Variants in CLSTN2 observed in about 807,000 individuals in gnomAD.
CLSTN2 encodes the protein calsyntenin 2.
In CLSTN2, 48 loss-of-function variants were observed where a neutral mutation model predicts 101.2. That is an observed-to-expected ratio of 0.47 (90% CI 0.38 to 0.60). The LOEUF is 0.60. Ranked by LOEUF, CLSTN2 falls within the 20% of genes least tolerant of loss-of-function variation. The pLI is 0.00. For missense variants in CLSTN2, 1,160 were observed against 1,238.2 expected, an observed-to-expected ratio of 0.94 and a Z score of 0.95; for synonymous variants, 481 against 463.6, an observed-to-expected ratio of 1.04 and a Z score of -0.48.
intron 1 of CLSTN2, among the ~76,000 whole-genome samples, chr3:140,055,336 C>T (rs906759241): frequency 2.6e-5 from 4 of 152,248 alleles, no homozygotes; most frequent in African/African-American, 9.6e-5. Flanking sequence ...ACACAGCAAA[C>T]ACCTTATGTT....
At chr3:140,333,113 G>T (rs1431114308) in intron 2 of CLSTN2, among the ~76,000 whole-genome samples, 1 of 152,160 alleles carries the variant, frequency 6.6e-6, no homozygotes, top group Non-Finnish European at 1.5e-5. Context: ...ACCGAATGTT[G>T]GATTGCTCCT....
chr3:140,224,974 G>A (rs2086305649), intron 2 of CLSTN2, among the ~76,000 whole-genome samples: 2 of 152,336 alleles, frequency 1.3e-5, no homozygotes, highest in South Asian at 4.1e-4. Flanking sequence ...CCATAGAAAA[G>A]GGCTTTCCCT....
intron 1 of CLSTN2, among the ~76,000 whole-genome samples, chr3:140,085,570 T>C (rs759488453): frequency 2.0e-5 from 3 of 152,136 alleles, no homozygotes; most frequent in Non-Finnish European, 4.4e-5. Flanking sequence ...CAATTTACTA[T>C]GGCTAGAGAG....
chr3:140,374,861 C>T lies in CLSTN2; in HGVS notation c.233-28768C>T, dbSNP rs115211563. Among the ~76,000 whole-genome samples the T allele has an allele frequency of 2.5e-3, 385 of 152,244 alleles. 2 individuals carry two copies. The highest frequency in any genetic ancestry group is 8.7e-3 in the African/African-American group (362 of 41,552). ...GTTATCAGCAGACCCTTTTTAGCAC[C>T]GTGGTAAGGTTTGAGAGAAGGAAGT... is the stretch of plus-strand genomic sequence containing the variant. On this transcript the variant is annotated intron_variant, in intron 2 of 16. Coordinates refer to ENST00000458420, the MANE Select transcript of CLSTN2 (RefSeq NM_022131.3).
chr3:140,496,701 G>C (rs1473086475), intron 8 of CLSTN2, among the ~76,000 whole-genome samples: 1 of 152,072 alleles, frequency 6.6e-6, no homozygotes, highest in Non-Finnish European at 1.5e-5. Flanking sequence ...AAAGGCGCAG[G>C]GTGGGTACTG....
intron 1 of CLSTN2, among the ~76,000 whole-genome samples, chr3:140,031,238 G>A (rs994480135): frequency 6.6e-6 from 1 of 152,192 alleles, no homozygotes; most frequent in Non-Finnish European, 1.5e-5. Context: ...GCAGAATGTG[G>A]AGGGAAGACA....
intron 2 of CLSTN2, among the ~76,000 whole-genome samples, chr3:140,386,385 A>G (rs974595634): frequency 2.6e-5 from 4 of 152,216 alleles, no homozygotes; most frequent in Non-Finnish European, 5.9e-5. Context: ...CTGAGGTCCA[A>G]TGGGAGTGGA....
chr3:140,358,774 G>A (rs2107948075), intron 2 of CLSTN2, among the ~76,000 whole-genome samples: 1 of 152,046 alleles, frequency 6.6e-6, no homozygotes, highest in Admixed American at 6.5e-5. Context: ...TTAGTCTGGG[G>A]GTGAGATAAC....
At chr3:140,086,903 T>C (rs1560090611) in intron 1 of CLSTN2, among the ~76,000 whole-genome samples, 1 of 152,248 alleles carries the variant, frequency 6.6e-6, no homozygotes, top group Admixed American at 6.5e-5. Context: ...ATTTTCCTCA[T>C]TATTCCTCAC....
intron 1 of CLSTN2, among the ~76,000 whole-genome samples, chr3:140,133,375 A>G (rs2009551885): frequency 6.6e-6 from 1 of 152,238 alleles, no homozygotes; most frequent in Non-Finnish European, 1.5e-5. Context: ...TATCCAAACC[A>G]TATCAGCATC....
At position 140,169,970 on chromosome 3, in the gene CLSTN2, T is replaced by C. The variant is rs568344709; in HGVS notation, c.110-5981T>C. Among the ~76,000 whole-genome samples, 6 of 152,258 alleles carry C rather than the reference T, an allele frequency of 3.9e-5. No homozygotes were observed. In the East Asian group the frequency reaches 9.7e-4, roughly 25 times the overall value. On this transcript the variant is annotated intron_variant, in intron 1 of 16. Coordinates refer to ENST00000458420, the MANE Select transcript of CLSTN2 (RefSeq NM_022131.3). ...CATTTTACAAATGAAGAATGAGTAA[T>C]GATGGGATGATTTACAAGCTATAAC...
chr3:140,465,384 G>A (rs1933667850), intron 7 of CLSTN2, among the ~76,000 whole-genome samples: 1 of 152,208 alleles, frequency 6.6e-6, no homozygotes, highest in African/African-American at 2.4e-5. Flanking sequence ...TAAAAGAGCA[G>A]TTCTCTCCCA....
intron 1 of CLSTN2, among the ~76,000 whole-genome samples, chr3:140,061,376 A>G (rs1292367698): frequency 6.6e-6 from 1 of 152,204 alleles, no homozygotes; most frequent in Admixed American, 6.5e-5. Context: ...ACAGCCCAGT[A>G]CTGCAGTCTC....
chr3:140,427,485 G>A (rs1193652679), intron 5 of CLSTN2, among the ~76,000 whole-genome samples: 4 of 151,942 alleles, frequency 2.6e-5, no homozygotes, highest in Admixed American at 6.5e-5. Flanking sequence ...TCAATGCGAG[G>A]TGCCAGAGAT....
At chr3:140,086,915 A>G (rs1356671402) in intron 1 of CLSTN2, among the ~76,000 whole-genome samples, 1 of 152,190 alleles carries the variant, frequency 6.6e-6, no homozygotes, top group Non-Finnish European at 1.5e-5. Flanking sequence ...ATTCCTCACA[A>G]TGACCTTTTT....
At chr3:140,368,054 A>T (rs1366039247) in intron 2 of CLSTN2, among the ~76,000 whole-genome samples, 1 of 152,136 alleles carries the variant, frequency 6.6e-6, no homozygotes, top group Non-Finnish European at 1.5e-5. Flanking sequence ...CTAGGTGATG[A>T]TTTTTTTATT....
At position 140,215,504 on chromosome 3, in the gene CLSTN2, G is replaced by A. The variant is rs937408355; in HGVS notation, c.232+39431G>A. Among the ~76,000 whole-genome samples, 4 of 152,212 alleles carry A rather than the reference G, an allele frequency of 2.6e-5. No individual in the cohort carries two copies. In the South Asian group the frequency reaches 8.3e-4, roughly 32 times the overall value. On this transcript the variant is annotated intron_variant, in intron 2 of 16. Transcript: ENST00000458420. Reference sequence around the variant, plus strand: ...GTTTTGGAGAAAGAACCATTGGATAGGGGGTTGGAAATGAATGAGAATTCC... The same window carrying A: ...GTTTTGGAGAAAGAACCATTGGATAAGGGGTTGGAAATGAATGAGAATTCC...
At chr3:140,115,154 C>T (rs562863156) in intron 1 of CLSTN2, among the ~76,000 whole-genome samples, 1 of 152,196 alleles carries the variant, frequency 6.6e-6, no homozygotes. Context: ...AAGGCTGAAT[C>T]TAAATCACAT....
chr3:140,104,838 G>A (rs1436673131), intron 1 of CLSTN2, among the ~76,000 whole-genome samples: 3 of 152,216 alleles, frequency 2.0e-5, no homozygotes, highest in African/African-American at 7.2e-5. Context: ...GCCAGGCATG[G>A]TGATGCATGC....
Sources: gnomAD v4.1 joint callset for allele counts (sites outside exome capture counted in the v4.1 genomes callset) on GRCh38, gnomAD v4.1.1 for gene constraint, MANE v1.5 for transcripts, NCBI Gene and HGNC (gene_info 2026-07-23, HGNC 2026-07-21) for gene names.